The following SGCZ variants were observed in gnomAD, a reference collection of about 807,000 sequenced individuals.
SGCZ encodes zeta-sarcoglycan.
Under a neutral mutation model 41.3 loss-of-function variants are expected in SGCZ, and 40 were observed. The ratio of observed to expected loss-of-function variants is 0.97; its 90% confidence interval spans 0.75 to 1.26. The LOEUF (loss-of-function observed/expected upper bound fraction) is 1.26. SGCZ is among the 50% of genes most tolerant of loss of function. SGCZ has a pLI of 0.00. For synonymous variants in SGCZ, 206 were observed against 137.5 expected, an observed-to-expected ratio of 1.50 and a Z score of -3.49; for missense variants, 552 against 369.8, an observed-to-expected ratio of 1.49 and a Z score of -4.04.
At chr8:14,582,272 A>C (rs1422946631) in intron 1 of SGCZ, among the ~76,000 whole-genome samples, 2 of 152,134 alleles carry the variant, frequency 1.3e-5, no homozygotes, top group Non-Finnish European at 2.9e-5. Context: ...GGCTATTAGT[A>C]GTTACGTTTG....
At position 14,088,503 on chromosome 8, in the gene SGCZ, T is replaced by C. The variant is rs1336564263; in HGVS notation, c.*1940A>G. 1.3e-5 allele frequency among the ~76,000 whole-genome samples: 2 copies of C among 151,894 alleles called. No homozygotes were observed. Among genetic ancestry groups the C allele is most frequent in the African/African-American group, 2.4e-5 (1 of 41,430 alleles). Reference sequence around the variant, plus strand: ...TAATTTCTCAATATTTCTTGTATTATACTTTATTTTGCAAAGACCAATGTG... The same window carrying C: ...TAATTTCTCAATATTTCTTGTATTACACTTTATTTTGCAAAGACCAATGTG... On this transcript the variant is annotated 3_prime_UTR_variant, in exon 8 of 8. Transcript: ENST00000382080.
chr8:14,314,482 A>G (rs1210798658), intron 3 of SGCZ, among the ~76,000 whole-genome samples: 3 of 152,146 alleles, frequency 2.0e-5, no homozygotes, highest in Non-Finnish European at 4.4e-5. Flanking sequence ...CAGTCATAGT[A>G]TTGACTTTTA....
At chr8:14,488,300 A>G (rs893925178) in intron 2 of SGCZ, among the ~76,000 whole-genome samples, 11 of 152,254 alleles carry the variant, frequency 7.2e-5, no homozygotes, top group African/African-American at 2.4e-4. Context: ...ATATTGTATT[A>G]TGGATAAAAG....
intron 1 of SGCZ, among the ~76,000 whole-genome samples, chr8:15,041,180 G>C (rs1804082497): frequency 6.6e-6 from 1 of 151,348 alleles, no homozygotes; most frequent in Non-Finnish European, 1.5e-5. Context: ...AGTTAAATTA[G>C]ATCACATTAA....
intron 1 of SGCZ, among the ~76,000 whole-genome samples, chr8:14,944,931 G>A (rs934420970): frequency 1.3e-5 from 2 of 152,056 alleles, no homozygotes; most frequent in African/African-American, 4.8e-5. Context: ...ATCAAAGCAC[G>A]AGCTATGCTG....
At chr8:14,430,063 T>G (rs550343893) in intron 2 of SGCZ, among the ~76,000 whole-genome samples, 25 of 152,260 alleles carry the variant, frequency 1.6e-4, no homozygotes, top group African/African-American at 5.8e-4. Flanking sequence ...TCTCGGTTAA[T>G]CTGGCCAGTG....
At chr8:15,011,437 A>C (rs1453926835) in intron 1 of SGCZ, among the ~76,000 whole-genome samples, 1 of 152,212 alleles carries the variant, frequency 6.6e-6, no homozygotes, top group Non-Finnish European at 1.5e-5. Flanking sequence ...TGAAAAATCT[A>C]AATAAATCAG....
chr8:15,001,999 G>A (rs980154772), intron 1 of SGCZ, among the ~76,000 whole-genome samples: 1 of 152,122 alleles, frequency 6.6e-6, no homozygotes, highest in African/African-American at 2.4e-5. Context: ...CGTGCTTGAG[G>A]AGGAAATAGC....
chr8:14,585,218 C>T (rs1208694872), intron 1 of SGCZ, among the ~76,000 whole-genome samples: 1 of 152,090 alleles, frequency 6.6e-6, no homozygotes, highest in Non-Finnish European at 1.5e-5. Context: ...AAGAAGCATT[C>T]TTCTGGTTCT....
chr8:14,199,683 C>G (rs902668835), intron 4 of SGCZ, among the ~76,000 whole-genome samples: 1 of 152,042 alleles, frequency 6.6e-6, no homozygotes, highest in Non-Finnish European at 1.5e-5. Flanking sequence ...ATTTCTCAGA[C>G]TGGCCAAAGC....
intron 1 of SGCZ, among the ~76,000 whole-genome samples, chr8:15,086,398 G>C (rs1805952448): frequency 6.6e-6 from 1 of 152,110 alleles, no homozygotes; most frequent in Non-Finnish European, 1.5e-5. Context: ...TCTAAACATG[G>C]AAAGTATGTT....
intron 2 of SGCZ, among the ~76,000 whole-genome samples, chr8:14,489,848 C>A (rs1456228917): frequency 4.7e-5 from 6 of 128,120 alleles, no homozygotes; most frequent in African/African-American, 1.8e-4. Context: ...TTCACTGGCT[C>A]GCCGAAAAAT....
intron 1 of SGCZ, among the ~76,000 whole-genome samples, chr8:14,727,232 A>G (rs1810084479): frequency 6.6e-6 from 1 of 152,194 alleles, no homozygotes; most frequent in Admixed American, 6.5e-5. Context: ...AATGCTCAAC[A>G]TCTTTACTCA....
At chr8:15,200,027 G>C (rs946382883) in intron 1 of SGCZ, among the ~76,000 whole-genome samples, 1 of 152,042 alleles carries the variant, frequency 6.6e-6, no homozygotes, top group African/African-American at 2.4e-5. Flanking sequence ...CTTGTTTCTT[G>C]GTTTTAAAGG....
intron 1 of SGCZ, among the ~76,000 whole-genome samples, chr8:14,875,650 G>C (rs1804330040): frequency 6.6e-6 from 1 of 152,186 alleles, no homozygotes; most frequent in South Asian, 2.1e-4. Flanking sequence ...CTAGGACCTG[G>C]TTATCTCTGA....
At chr8:14,103,640 A>ACTT (rs375888348) in intron 6 of SGCZ, among the ~76,000 whole-genome samples, 321 of 139,834 alleles carry the variant, frequency 2.3e-3, no homozygotes, top group Non-Finnish European at 3.9e-3. Flanking sequence ...TGGTTTCAAC[A>ACTT]CTTCCATTTT....
chr8:14,287,716 T>A (rs1458772442), intron 3 of SGCZ, among the ~76,000 whole-genome samples: 3 of 152,090 alleles, frequency 2.0e-5, no homozygotes, highest in African/African-American at 7.2e-5. Context: ...GTTCCCCCAT[T>A]ATCCCCGATT....
intron 1 of SGCZ, among the ~76,000 whole-genome samples, chr8:14,793,225 A>G (rs1309886121): frequency 1.3e-5 from 2 of 152,180 alleles, no homozygotes. Flanking sequence ...TTCACTGTCT[A>G]CCGCTTTGCT....
intron 1 of SGCZ, among the ~76,000 whole-genome samples, chr8:15,154,168 C>G (rs893184303): frequency 9.2e-5 from 14 of 152,174 alleles, no homozygotes; most frequent in Admixed American, 9.2e-4. Flanking sequence ...TATAAATTAT[C>G]CAGTATCTGG....
Sources: allele counts gnomAD v4.1 joint callset (sites outside exome capture counted in the v4.1 genomes callset), GRCh38; gene constraint gnomAD v4.1.1; transcripts MANE v1.5; gene names NCBI Gene and HGNC (gene_info 2026-07-23, HGNC 2026-07-21).